The following WDR4 variants were observed in gnomAD, a reference collection of about 807,000 sequenced individuals.
The protein encoded by WDR4 is tRNA (guanine-N(7)-)-methyltransferase non-catalytic subunit WDR4.
A neutral mutation model predicts 48.6 loss-of-function variants in WDR4; 47 were observed. The ratio of observed to expected loss-of-function variants is 0.97; its 90% CI spans 0.77 to 1.23. The LOEUF is 1.23. WDR4 is among the 50% of genes most tolerant of loss of function. The pLI, the probability that WDR4 is intolerant of heterozygous loss-of-function variation, is 0.00. For missense variants in WDR4, 606 were observed against 551.6 expected, an observed-to-expected ratio of 1.10 and a Z score of -0.99; for synonymous variants, 268 against 230.0, an observed-to-expected ratio of 1.17 and a Z score of -1.49.
intron 10 of WDR4, 141 bp from the exon 11 acceptor site, chr21:42,850,383 C>T: frequency 1.4e-6 from 1 of 704,498 alleles, no homozygotes; most frequent in South Asian, 2.2e-5. Context: ...TCTGGGACGG[C>T]TCCCCACGGT....
chr21:42,854,596 A>G lies in WDR4; in HGVS notation c.757T>C (p.Cys253Arg), dbSNP rs1351499701. 2.5e-6 allele frequency: 4 copies of G among 1,613,762 alleles called. No homozygotes were observed. The highest frequency in any genetic ancestry group is 3.3e-5 in the Admixed American group (2 of 59,950). Residue 253 changes from cysteine (C) to arginine (R), a missense_variant, in exon 8 of 11, where the codon TGC becomes CGC. Cys to Arg is a radical substitution (Grantham distance 180). Transcript: ENST00000398208. ...AGGAGCGCCACGCAGTTCTCCTGGC[A>G]CCAGAATGCAATCCTGGACGCGGCA... Reference protein sequence around the residue: ...KFAASRIAFWCQENCVALLCD... With the variant: ...KFAASRIAFWRQENCVALLCD...
intron 3 of WDR4, among the ~76,000 whole-genome samples, chr21:42,867,785 G>A (rs574222309): frequency 1.3e-4 from 19 of 150,192 alleles, no homozygotes; most frequent in African/African-American, 4.4e-4. Context: ...GACTGGCCTC[G>A]AACTGCTGGC....
At chr21:42,890,817 C>A in the WDR4 span, among the ~76,000 whole-genome samples, 1 of 152,146 alleles carries the variant, frequency 6.6e-6, no homozygotes, top group East Asian at 1.9e-4. Flanking sequence ...ATGTATTTGG[C>A]CTCTGCTTTT....
At chr21:42,876,669 A>T (rs1352860722) in intron 2 of WDR4, 33 bp downstream of exon 2, 2 of 1,603,102 alleles carry the variant, frequency 1.2e-6, no homozygotes, top group Admixed American at 3.4e-5. Context: ...GAACCATTAA[A>T]GCAGGCCCTG....
intron 3 of WDR4, among the ~76,000 whole-genome samples, chr21:42,868,551 T>C (rs551714132): frequency 6.6e-6 from 1 of 152,338 alleles, no homozygotes; most frequent in East Asian, 1.9e-4. Flanking sequence ...AAATGGTGTC[T>C]GGTACCAGAC....
At chr21:42,885,956 ATT>A in the WDR4 span, among the ~76,000 whole-genome samples, 15 of 122,762 alleles carry the variant, frequency 1.2e-4, no homozygotes, top group Admixed American at 1.7e-4. Flanking sequence ...CTCAGCATAG[ATT>A]TTTTTTTTTT....
At chr21:42,860,800 C>A (rs946685240) in intron 5 of WDR4, among the ~76,000 whole-genome samples, 2 of 152,228 alleles carry the variant, frequency 1.3e-5, no homozygotes, top group Non-Finnish European at 2.9e-5. Context: ...ATCTACTGAG[C>A]ACCTACTCAT....
chr21:42,885,270 C>T, the WDR4 span, among the ~76,000 whole-genome samples: 1 of 152,090 alleles, frequency 6.6e-6, no homozygotes, highest in African/African-American at 2.4e-5. Flanking sequence ...TCTTCCTCCT[C>T]CAAGAAAGCC....
the WDR4 span, among the ~76,000 whole-genome samples, chr21:42,886,027 G>A: frequency 6.6e-6 from 1 of 150,810 alleles, no homozygotes; most frequent in South Asian, 2.1e-4. Flanking sequence ...CATCATCTCG[G>A]CTCACTGCAA....
chr21:42,860,430 G>C (rs1315945325), intron 5 of WDR4, among the ~76,000 whole-genome samples: 3 of 152,240 alleles, frequency 2.0e-5, no homozygotes, highest in African/African-American at 4.8e-5. Flanking sequence ...CACCTACAAG[G>C]GTGACAAGGC....
At chr21:42,882,375 C>T (rs2058615466), upstream of WDR4, among the ~76,000 whole-genome samples, 1 of 150,730 alleles carries the variant, frequency 6.6e-6, no homozygotes, top group Non-Finnish European at 1.5e-5. Flanking sequence ...CCAGCCTGGC[C>T]AACACGGTGA....
chr21:42,848,353 A>G (rs2057729722), downstream of WDR4, among the ~76,000 whole-genome samples: 1 of 145,170 alleles, frequency 6.9e-6, no homozygotes. Flanking sequence ...TCACACACAC[A>G]CAGCGCACGA....
intron 3 of WDR4, among the ~76,000 whole-genome samples, chr21:42,871,163 A>G (rs1270152556): frequency 6.6e-6 from 1 of 152,194 alleles, no homozygotes; most frequent in Non-Finnish European, 1.5e-5. Context: ...TCAGCAAGCC[A>G]AGGAGAGAGG....
At chr21:42,891,185 T>C in the WDR4 span, among the ~76,000 whole-genome samples, 1 of 152,030 alleles carries the variant, frequency 6.6e-6, no homozygotes, top group Non-Finnish European at 1.5e-5. Flanking sequence ...TAGATGGGCA[T>C]GGTGGCGGCG....
intron 8 of WDR4, among the ~76,000 whole-genome samples, chr21:42,854,013 C>T (rs556023958): frequency 1.1e-3 from 164 of 152,284 alleles, no homozygotes; most frequent in African/African-American, 3.8e-3. Context: ...GGCAGGAGGA[C>T]GCAGGCCCTG....
chr21:42,855,680 ACCTGGGGGG>A lies in WDR4; in HGVS notation c.719_726+1del, dbSNP rs1193023315. ...CGCCCAGGAGTGAACAGAAGCAGCTACCTGGGGGGCCTGGGGGTCCACCAGCTCCTGCAG... is the reference window on the plus strand; with the variant it reads ...CGCCCAGGAGTGAACAGAAGCAGCTACCTGGGGGTCCACCAGCTCCTGCAG... On this transcript the variant is annotated splice_donor_variant and coding_sequence_variant, in exon 7 of 11. Transcript: ENST00000398208. LOFTEE classifies it high-confidence loss of function. 3.9e-6 allele frequency: 6 copies of A among 1,547,710 alleles called. No individual in the cohort carries two copies. The Admixed American group carries it at 1.2e-4, about 30-fold the overall frequency.
intron 6 of WDR4, 68 bp downstream of exon 6, chr21:42,859,594 G>C: frequency 2.0e-6 from 1 of 511,144 alleles, no homozygotes; most frequent in Non-Finnish European, 3.5e-6. Context: ...AGGTCCAGGA[G>C]GCGCCCACCC....
chr21:42,849,070 C>T (rs73366794), downstream of WDR4, among the ~76,000 whole-genome samples: 19,477 of 123,798 alleles, frequency 0.16, 2,241 homozygotes, highest in African/African-American at 0.32. Context: ...ACCACACACA[C>T]AGCGCACGAT....
intron 2 of WDR4, 139 bp downstream of exon 2, chr21:42,876,563 C>T (rs2058497048): frequency 2.7e-6 from 2 of 746,302 alleles, no homozygotes; most frequent in Non-Finnish European, 4.4e-6. Context: ...ACATGTCTCT[C>T]CTGAGGTGCT....
Sources: allele counts gnomAD v4.1 joint callset (sites outside exome capture counted in the v4.1 genomes callset), GRCh38; gene constraint gnomAD v4.1.1; transcripts MANE v1.5; gene names NCBI Gene and HGNC (gene_info 2026-07-23, HGNC 2026-07-21).